HYKK: variants seen among roughly 807,000 people sequenced by gnomAD.
HYKK encodes the protein 5-hydroxy-L-lysine kinase.
HYKK carries 19 observed loss-of-function variants against 29.7 expected under a neutral mutation model. The observed-to-expected ratio is 0.64, with a 90% CI of 0.45 to 0.94. HYKK has a LOEUF of 0.94. Among genes scored for constraint, HYKK ranks in the 40% least tolerant of loss-of-function variants. The pLI is 0.00. For missense variants in HYKK, 390 were observed against 443.4 expected, an observed-to-expected ratio of 0.88 and a Z score of 1.08; for synonymous variants, 152 against 158.1, an observed-to-expected ratio of 0.96 and a Z score of 0.29.
chr15:78,509,591 C>T (rs1195110261), intron 1 of HYKK, among the ~76,000 whole-genome samples: 3 of 152,200 alleles, frequency 2.0e-5, no homozygotes, highest in East Asian at 1.9e-4. Flanking sequence ...ACATCGTTAA[C>T]GCTTTGGGAG....
chr15:78,507,583 C>CTCTA lies in HYKK; in HGVS notation c.-93_-90dup, dbSNP rs1377277657. 1.3e-5 allele frequency: 2 copies of CTCTA among 152,490 alleles called. No homozygotes were observed. Among genetic ancestry groups the CTCTA allele is most frequent in the Admixed American group, 6.5e-5 (1 of 15,294 alleles). The allele number at this position is 152,490 out of a possible 1,614,324, so 9.4% of individuals were successfully genotyped here. A position where few individuals can be genotyped will look rare whatever the true frequency, so the allele number is the denominator to read the frequency against. On this transcript the variant is annotated 5_prime_UTR_variant, in exon 1 of 5. Coordinates refer to ENST00000388988, the MANE Select transcript of HYKK (RefSeq NM_001013619.4). Reference sequence around the variant, plus strand: ...AGGGGCGCGGGCGCTGCGGCCCCTGCTCTACCTCCTAGCGCCGGTGCGCGG... The same window carrying CTCTA: ...AGGGGCGCGGGCGCTGCGGCCCCTGCTCTATCTACCTCCTAGCGCCGGTGCGCGG...
At chr15:78,525,543 G>C (rs1386910462) in intron 3 of HYKK, among the ~76,000 whole-genome samples, 1 of 151,300 alleles carries the variant, frequency 6.6e-6, no homozygotes, top group Non-Finnish European at 1.5e-5. Flanking sequence ...TGTCGCCCAG[G>C]CTGAAGTGCA....
chr15:78,508,880 C>CAAAAA (rs71148531), intron 1 of HYKK, among the ~76,000 whole-genome samples: 783 of 55,562 alleles, frequency 0.014, 58 homozygotes, highest in African/African-American at 0.054. Context: ...CCTCTCTCTC[C>CAAAAA]AAAAAAAAAA....
rs1326830270 is a variant in HYKK at position 78,533,352 on chromosome 15, T to C, written c.804T>C (p.Ile268=). ...GCTACTATGTGTTTGAAGTGGCAAT[T>C]ACCATCATGTACATGATGATTGAGA... ...SYGYYVFEVA[I]TIMYMMIESK... is the part of the protein sequence containing the mutation. Residue 268 remains isoleucine, a synonymous_variant, in exon 5 of 5, where the codon ATT becomes ATC. Transcript: ENST00000388988. 6.2e-7 allele frequency: 1 copy of C among 1,614,138 alleles called. No individual in the cohort carries two copies. Among genetic ancestry groups the C allele is most frequent in the South Asian group, 1.1e-5 (1 of 91,082 alleles).
At chr15:78,520,195 C>T (rs2052177323) in intron 3 of HYKK, among the ~76,000 whole-genome samples, 1 of 152,048 alleles carries the variant, frequency 6.6e-6, no homozygotes, top group African/African-American at 2.4e-5. Flanking sequence ...CCAGTCTCAC[C>T]CCATGCCTTT....
At chr15:78,517,111 T>TTCTTTC (rs543987017) in intron 3 of HYKK, among the ~76,000 whole-genome samples, 237 of 67,638 alleles carry the variant, frequency 3.5e-3, no homozygotes, top group African/African-American at 6.6e-3. Flanking sequence ...CTTTCTTTCT[T>TTCTTTC]TTTTTTTTTT....
intron 2 of HYKK, 60 bp from the exon 3 acceptor site, chr15:78,514,908 C>CTCTATA (rs766004199): frequency 4.0e-4 from 156 of 385,416 alleles, no homozygotes; most frequent in East Asian, 2.1e-3. Flanking sequence ...CTCTCTCTCT[C>CTCTATA]TATATATATA....
chr15:78,533,232 T>C lies in HYKK; in HGVS notation c.684T>C (p.Asn228=), dbSNP rs999544144. ...FRECINHGDL[N]DHNILIESSK... ...CAGGTATCAATCACGGAGATCTTAA[T>C]GACCATAATATTTTAATAGAGTCCA... The change falls in exon 5 of 5, where the codon AAT becomes AAC. Residue 228 remains asparagine, a synonymous_variant. Transcript: ENST00000388988. 12 of 1,608,128 alleles carry C rather than the reference T, an allele frequency of 7.5e-6. No individual in the cohort carries two copies. The African/African-American group carries it at 1.5e-4, about 20-fold the overall frequency.
intron 3 of HYKK, among the ~76,000 whole-genome samples, chr15:78,516,695 A>G (rs928960166): frequency 6.6e-6 from 1 of 152,186 alleles, no homozygotes; most frequent in African/African-American, 2.4e-5. Flanking sequence ...ACTGCTATAA[A>G]GAAATACCTG....
At chr15:78,521,743 T>C (rs906446671) in intron 3 of HYKK, among the ~76,000 whole-genome samples, 2 of 152,084 alleles carry the variant, frequency 1.3e-5, no homozygotes, top group African/African-American at 4.8e-5. Flanking sequence ...GATAGCTTGA[T>C]TTTGCTATCT....
intron 1 of HYKK, among the ~76,000 whole-genome samples, chr15:78,509,697 A>G (rs951433324): frequency 6.6e-6 from 1 of 152,256 alleles, no homozygotes; most frequent in African/African-American, 2.4e-5. Context: ...ATCTCCAGAA[A>G]GAATGTTAAA....
At chr15:78,525,580 C>T (rs1416983966) in intron 3 of HYKK, among the ~76,000 whole-genome samples, 1 of 152,038 alleles carries the variant, frequency 6.6e-6, no homozygotes, top group African/African-American at 2.4e-5. Context: ...TCACTGCAAC[C>T]TCCGCCCTCC....
Position 78,534,181 on chromosome 15 carries a change from A to C in HYKK, c.*511A>C, listed in dbSNP as rs2052339670. On this transcript the variant is annotated 3_prime_UTR_variant, in exon 5 of 5. Transcript: ENST00000388988. ...TATAATGGATCGTGGTTGTGCAGTC[A>C]TCTTGCCTGAGAGCTACTGAGGGCG... The C allele has an allele frequency of 1.3e-5, 2 of 151,496 alleles. No individual in the cohort carries two copies. Among genetic ancestry groups the C allele is most frequent in the Non-Finnish European group, 2.9e-5 (2 of 68,414 alleles). 9.4% of individuals were successfully genotyped at this position (151,496 alleles called of 1,614,324 possible). A position where few individuals can be genotyped will look rare whatever the true frequency, so the allele number is the denominator to read the frequency against.
At chr15:78,507,918 G>A (rs2052030219) in intron 1 of HYKK, among the ~76,000 whole-genome samples, 1 of 152,190 alleles carries the variant, frequency 6.6e-6, no homozygotes, top group Admixed American at 6.5e-5. Flanking sequence ...CACCCGAGAA[G>A]CTGTCGAGGC....
In HYKK at chr15:78,513,327, T is replaced by A; in HGVS notation, c.239T>A (p.Val80Glu). 1 of 1,614,206 alleles carries A rather than the reference T, an allele frequency of 6.2e-7. No homozygotes were observed. The highest frequency in any genetic ancestry group is 8.5e-7 in the Non-Finnish European group (1 of 1,180,022). Residue 80 changes from valine to glutamate, a missense_variant, in exon 2 of 5, where the codon GTG becomes GAG. Val to Glu is a moderately radical substitution (Grantham distance 121). Transcript: ENST00000388988. ...KASKNPDLIEVQNHIIMFLKA... is the reference protein window; with the variant it reads ...KASKNPDLIEEQNHIIMFLKA... The stretch of plus-strand genomic sequence containing the variant: ...AGCAAAAATCCAGACCTGATTGAAG[T>A]GCAGAATCACATCATCATGTTTCTG...
At position 78,515,044 on chromosome 15, in the gene HYKK, C is replaced by T. The variant is rs767946770; in HGVS notation, c.414C>T (p.Pro138=). ...CAGGAAGACCCATCGCTGAGCTTCC[C>T]GTCAGCCCCCAGCTATTGTATGAAA... ...YLPGRPIAEL[P]VSPQLLYEIG... is the part of the protein sequence containing the mutation. The change falls in exon 3 of 5, where the codon CCC becomes CCT. Residue 138 remains proline, a synonymous_variant. Coordinates refer to ENST00000388988, the MANE Select transcript of HYKK (RefSeq NM_001013619.4). The T allele has an allele frequency of 7.2e-5, 116 of 1,604,304 alleles. 1 individual carries two copies. Among genetic ancestry groups the T allele is most frequent in the South Asian group, 2.6e-4 (23 of 89,830 alleles).
At chr15:78,514,906 C>CTATATATATA (rs986814516) in intron 2 of HYKK, 62 bp from the exon 3 acceptor site, 1 of 505,350 alleles carries the variant, frequency 2.0e-6, no homozygotes, top group African/African-American at 2.5e-5. Flanking sequence ...CTCTCTCTCT[C>CTATATATATA]TCTATATATA....
At chr15:78,508,570 A>G (rs990657653) in intron 1 of HYKK, among the ~76,000 whole-genome samples, 1 of 152,030 alleles carries the variant, frequency 6.6e-6, no homozygotes, top group Non-Finnish European at 1.5e-5. Flanking sequence ...TGGAAATCAC[A>G]CTTGCTTCCT....
intron 1 of HYKK, among the ~76,000 whole-genome samples, chr15:78,511,132 A>C (rs144487492): frequency 1.3e-5 from 2 of 151,906 alleles, no homozygotes; most frequent in Non-Finnish European, 2.9e-5. Context: ...TTTATATAGT[A>C]CTGTATCCCC....
Sources: gnomAD v4.1 joint callset for allele counts (sites outside exome capture counted in the v4.1 genomes callset) on GRCh38, gnomAD v4.1.1 for gene constraint, MANE v1.5 for transcripts, NCBI Gene and HGNC (gene_info 2026-07-23, HGNC 2026-07-21) for gene names.